CCDC178: variants seen among roughly 807,000 people sequenced by gnomAD.
CCDC178 encodes the protein coiled-coil domain containing 178, also known as coiled-coil domain-containing protein 178.
CCDC178 carries 126 observed loss-of-function variants against 117.4 expected under a neutral mutation model. That is an observed-to-expected ratio of 1.07 (90% confidence interval 0.93 to 1.24). The LOEUF (loss-of-function observed/expected upper bound fraction) is 1.24, where lower values mean the gene tolerates loss of function less well. Among genes scored for constraint, CCDC178 ranks in the 50% most tolerant of loss-of-function variants. The pLI is 0.00. For synonymous variants in CCDC178, 283 were observed against 313.4 expected, an observed-to-expected ratio of 0.90 and a Z score of 1.02; for missense variants, 1,030 against 986.9, an observed-to-expected ratio of 1.04 and a Z score of -0.59.
chr18:33,357,687 A>C (rs2063074927), intron 6 of CCDC178, among the ~76,000 whole-genome samples: 1 of 152,104 alleles, frequency 6.6e-6, no homozygotes, highest in Admixed American at 6.6e-5. Context: ...ATAAATTATC[A>C]AAAATGCAAA....
chr18:33,002,598 A>G (rs1248622804), intron 21 of CCDC178, among the ~76,000 whole-genome samples: 5 of 152,056 alleles, frequency 3.3e-5, no homozygotes, highest in South Asian at 4.1e-4. Context: ...AACTTCAAAT[A>G]AACAACCTAA....
At chr18:33,259,451 G>C (rs1214624300) in intron 14 of CCDC178, among the ~76,000 whole-genome samples, 1 of 152,182 alleles carries the variant, frequency 6.6e-6, no homozygotes, top group Non-Finnish European at 1.5e-5. Flanking sequence ...GGCTTAACAG[G>C]AAGCATGACT....
chr18:33,247,229 G>C (rs1185320416), intron 14 of CCDC178, among the ~76,000 whole-genome samples: 1 of 151,800 alleles, frequency 6.6e-6, no homozygotes, highest in African/African-American at 2.4e-5. Context: ...CTAGCAATCA[G>C]AGTGTGAACC....
At chr18:33,315,456 C>A (rs2062402269) in intron 11 of CCDC178, among the ~76,000 whole-genome samples, 1 of 152,150 alleles carries the variant, frequency 6.6e-6, no homozygotes, top group South Asian at 2.1e-4. Flanking sequence ...CGGTTTCTAC[C>A]CTTCCTGAGC....
chr18:33,215,072 C>G (rs923050642), intron 19 of CCDC178, among the ~76,000 whole-genome samples: 2 of 151,850 alleles, frequency 1.3e-5, no homozygotes, highest in African/African-American at 2.4e-5. Context: ...CTTACTAACC[C>G]TGAACAATTA....
rs573141961 is a variant in CCDC178 at position 33,155,689 on chromosome 18, T to C, written c.2238+56207A>G. 2.0e-5 allele frequency among the ~76,000 whole-genome samples: 3 copies of C among 152,298 alleles called. No homozygotes were observed. In the South Asian group the frequency reaches 6.2e-4, roughly 32 times the overall value. On this transcript the variant is annotated intron_variant, in intron 20 of 22. Coordinates refer to ENST00000383096, the MANE Select transcript of CCDC178 (RefSeq NM_001105528.4). The stretch of plus-strand genomic sequence containing the variant: ...CAAACACTTCTTCGGACCTACTTGA[T>C]GGTTGACTTTTCTTATAAGAGCTTA...
At chr18:33,356,034 G>T (rs2063051614) in intron 7 of CCDC178, among the ~76,000 whole-genome samples, 1 of 151,990 alleles carries the variant, frequency 6.6e-6, no homozygotes. Context: ...TTCCCCTAGT[G>T]GTTATTAAAT....
intron 4 of CCDC178, among the ~76,000 whole-genome samples, chr18:33,391,733 TAATGTATTCAA>T (rs1399583508): frequency 6.6e-6 from 1 of 152,202 alleles, no homozygotes; most frequent in African/African-American, 2.4e-5. Flanking sequence ...AAACAAATGT[TAATGTATTCAA>T]AACAGAAATA....
intron 20 of CCDC178, among the ~76,000 whole-genome samples, chr18:33,190,622 C>T (rs1039702753): frequency 6.6e-6 from 1 of 152,122 alleles, no homozygotes; most frequent in Non-Finnish European, 1.5e-5. Flanking sequence ...TTGCATATTT[C>T]CAAGGTAGAC....
At chr18:33,016,561 T>G (rs961252131) in intron 21 of CCDC178, among the ~76,000 whole-genome samples, 4 of 152,036 alleles carry the variant, frequency 2.6e-5, no homozygotes, top group Non-Finnish European at 5.9e-5. Flanking sequence ...GAAATAATTA[T>G]TAATTTTGTT....
chr18:33,376,074 G>A (rs529770407), intron 5 of CCDC178, among the ~76,000 whole-genome samples: 56 of 152,258 alleles, frequency 3.7e-4, no homozygotes, highest in Admixed American at 1.8e-3. Flanking sequence ...GTTTTTATAC[G>A]TTGGCATACT....
In CCDC178 at chr18:33,223,226, G is replaced by A; in HGVS notation, c.1819-7C>T. On this transcript the variant is annotated splice_polypyrimidine_tract_variant and splice_region_variant and intron_variant, in intron 17 of 22. Coordinates refer to ENST00000383096, the MANE Select transcript of CCDC178 (RefSeq NM_001105528.4). ...CAATTATATTATTAAGCATCTAGAA[G>A]ACATTCAGATATTAAGATGTGCAGC... The A allele has an allele frequency of 1.3e-6, 2 of 1,588,984 alleles. No individual in the cohort carries two copies. Among genetic ancestry groups the A allele is most frequent in the East Asian group, 2.3e-5 (1 of 44,244 alleles).
At chr18:33,214,730 T>C (rs271553) in intron 19 of CCDC178, among the ~76,000 whole-genome samples, 24,427 of 151,952 alleles carry the variant, frequency 0.16, 2,737 homozygotes, top group African/African-American at 0.32. Context: ...TAAGTTTTAC[T>C]CTATGATAAT....
chr18:33,013,539 T>C (rs1348691885), intron 21 of CCDC178, among the ~76,000 whole-genome samples: 1 of 152,252 alleles, frequency 6.6e-6, no homozygotes, highest in Non-Finnish European at 1.5e-5. Context: ...TATAATTTTA[T>C]GACATAAGGC....
intron 21 of CCDC178, among the ~76,000 whole-genome samples, chr18:32,984,045 C>A (rs867638427): frequency 6.6e-6 from 1 of 151,862 alleles, no homozygotes; most frequent in Non-Finnish European, 1.5e-5. Context: ...TCTTTATTAC[C>A]AAATCCATTT....
At chr18:33,173,162 A>G (rs1170381244) in intron 20 of CCDC178, among the ~76,000 whole-genome samples, 1 of 151,886 alleles carries the variant, frequency 6.6e-6, no homozygotes, top group African/African-American at 2.4e-5. Flanking sequence ...TAATCCTCCC[A>G]CCTCAGCCTC....
chr18:33,386,121 C>T (rs1284291864), intron 5 of CCDC178, among the ~76,000 whole-genome samples: 2 of 152,148 alleles, frequency 1.3e-5, no homozygotes, highest in Admixed American at 6.5e-5. Flanking sequence ...CATTCCTGGA[C>T]ACATACACCC....
At chr18:33,056,877 C>G (rs1284557885) in intron 21 of CCDC178, among the ~76,000 whole-genome samples, 1 of 150,778 alleles carries the variant, frequency 6.6e-6, no homozygotes, top group Non-Finnish European at 1.5e-5. Flanking sequence ...AAAAGAGGGT[C>G]TGGAATTGTA....
At chr18:33,277,731 C>A (rs2144808737) in intron 12 of CCDC178, among the ~76,000 whole-genome samples, 1 of 152,278 alleles carries the variant, frequency 6.6e-6, no homozygotes, top group Non-Finnish European at 1.5e-5. Flanking sequence ...ACTTCTCATG[C>A]TTTGGAACTC....
Sources: allele counts gnomAD v4.1 joint callset (sites outside exome capture counted in the v4.1 genomes callset), GRCh38; gene constraint gnomAD v4.1.1; transcripts MANE v1.5; gene names NCBI Gene and HGNC (gene_info 2026-07-23, HGNC 2026-07-21).